INO80: variants seen among roughly 807,000 people sequenced by gnomAD.
INO80 encodes the protein chromatin-remodeling ATPase INO80.
A neutral mutation model predicts 203.4 loss-of-function variants in INO80; 20 were observed. The observed-to-expected ratio is 0.10, with a 90% confidence interval of 0.07 to 0.14. The LOEUF (loss-of-function observed/expected upper bound fraction) is 0.14, where lower values mean the gene tolerates loss of function less well. Ranked by LOEUF, INO80 falls within the 10% of genes least tolerant of loss-of-function variation. The pLI is 1.00. For missense variants in INO80, 1,419 were observed against 1,914.4 expected, an observed-to-expected ratio of 0.74 and a Z score of 4.83; for synonymous variants, 726 against 685.2, an observed-to-expected ratio of 1.06 and a Z score of -0.93.
intron 24 of INO80, among the ~76,000 whole-genome samples, chr15:41,044,334 T>C (rs1470603171): frequency 6.6e-6 from 1 of 152,204 alleles, no homozygotes; most frequent in African/African-American, 2.4e-5. Context: ...TAATAAATTG[T>C]GGTCCATTCA....
At chr15:41,004,257 G>A (rs530872131) in intron 28 of INO80, among the ~76,000 whole-genome samples, 2 of 152,092 alleles carry the variant, frequency 1.3e-5, no homozygotes, top group African/African-American at 2.4e-5. Flanking sequence ...TGGAATTCTG[G>A]TGTGTAGTTT....
In INO80 at chr15:40,980,309, T is replaced by C. The variant is rs773737354; in HGVS notation, c.4585A>G (p.Lys1529Glu). Residue 1529 changes from lysine (K) to glutamate (E), a missense_variant, in exon 36 of 36, where the codon AAG becomes GAG. By Grantham distance (56) the Lys-to-Glu change is moderately conservative. This residue lies in a region of INO80 where 112 missense variants were observed against 106.2 expected (regional missense o/e 1.05). Transcript: ENST00000648947. Reference sequence around the variant, plus strand: ...AGGCTGCTGGTCATGTGGAGGTTCTTGGGATTCCCAGGAACATTATTTCCC... The same window carrying C: ...AGGCTGCTGGTCATGTGGAGGTTCTCGGGATTCCCAGGAACATTATTTCCC... ...SKGNNVPGNP[K>E]NLHMTSSLAP... 1.1e-5 allele frequency: 18 copies of C among 1,613,974 alleles called. No individual in the cohort carries two copies. In the Admixed American group the frequency reaches 3.0e-4, roughly 27 times the overall value.
chr15:41,112,339 A>C (rs1023531935), intron 1 of INO80, among the ~76,000 whole-genome samples: 1 of 152,208 alleles, frequency 6.6e-6, no homozygotes, highest in African/African-American at 2.4e-5. Flanking sequence ...TACTACCAAG[A>C]AGTTTCAAGA....
At chr15:41,105,221 G>A (rs1461457533) in intron 1 of INO80, among the ~76,000 whole-genome samples, 1 of 152,098 alleles carries the variant, frequency 6.6e-6, no homozygotes, top group Non-Finnish European at 1.5e-5. Context: ...ATCAAACCAG[G>A]TGGTTGATAA....
At chr15:41,066,419 A>T (rs181002127) in intron 14 of INO80, among the ~76,000 whole-genome samples, 278 of 152,136 alleles carry the variant, frequency 1.8e-3, no homozygotes, top group African/African-American at 6.1e-3. Context: ...GGCCTCCCAA[A>T]GTACTGGGAT....
rs1236833722 is a variant in INO80, at chr15:41,091,794, C to T, written c.537+233G>A. The stretch of plus-strand genomic sequence containing the variant: ...TCAGCCTCCTGAGTAGCTGGGACTA[C>T]AGGCGCACGCCACCACACCCAGCTA... On this transcript the variant is annotated intron_variant, in intron 5 of 35. Coordinates refer to ENST00000648947, the MANE Select transcript of INO80 (RefSeq NM_017553.3). Among the ~76,000 whole-genome samples, 3 of 151,752 alleles carry T rather than the reference C, an allele frequency of 2.0e-5. No homozygotes were observed. In the East Asian group the frequency reaches 5.8e-4, roughly 29 times the overall value.
Position 41,048,220 on chromosome 15 carries a change from T to C in INO80, c.2633A>G (p.His878Arg), listed in dbSNP as rs745536521. 2.5e-6 allele frequency: 4 copies of C among 1,612,264 alleles called. No individual in the cohort carries two copies. In the African/African-American group the frequency reaches 5.3e-5, roughly 22 times the overall value. ...APDYIQRSLFHRKGINEESCF... is the reference protein window; with the variant it reads ...APDYIQRSLFRRKGINEESCF... ...AAGATCAAAACACCTACCTTTTCTG[T>C]GAAAGAGAGACCGTTGGATATAGTC... Residue 878 changes from histidine to arginine, a missense_variant, in exon 22 of 36, where the codon CAC becomes CGC. Around this residue, in one of 9 missense-constraint regions of INO80, gnomAD observed 302 missense variants for 345.4 expected, o/e 0.87. Coordinates refer to ENST00000648947, the MANE Select transcript of INO80 (RefSeq NM_017553.3).
chr15:40,996,810 T>A (rs141158977), intron 29 of INO80, among the ~76,000 whole-genome samples: 54 of 152,358 alleles, frequency 3.5e-4, no homozygotes, highest in Admixed American at 5.9e-4. Flanking sequence ...AATGGAATAA[T>A]GCATAAGAGT....
chr15:41,070,627 A>G lies in INO80; in HGVS notation c.1606-80T>C, dbSNP rs541682038. ...AACCTGTTACCAAAAAGAACGACCA[A>G]GATAACAGGCTTGTTTAAAGAGAAG... On this transcript the variant is annotated intron_variant, in intron 12 of 35. Coordinates refer to ENST00000648947, the MANE Select transcript of INO80 (RefSeq NM_017553.3). 11 of 1,138,652 alleles carry G rather than the reference A, an allele frequency of 9.7e-6. No individual in the cohort carries two copies. The Admixed American group carries it at 1.9e-4, about 20-fold the overall frequency. The allele number at this position is 1,138,652 out of a possible 1,614,324, so 70.5% of individuals were successfully genotyped here. A position where few individuals can be genotyped will look rare whatever the true frequency, so the allele number is the denominator to read the frequency against.
chr15:41,084,928 G>A (rs1042761812), intron 7 of INO80, among the ~76,000 whole-genome samples: 14 of 152,072 alleles, frequency 9.2e-5, no homozygotes, highest in African/African-American at 3.1e-4. Flanking sequence ...GGAGAGATGG[G>A]GTTTCACCAT....
Position 41,116,014 on chromosome 15 carries a change from G to T in INO80, c.-85C>A, listed in dbSNP as rs535175793. ...CCGCCGCCGCGACGGCGGCGGAGGG[G>T]GGGCGGGGTGCGGGCGGGGTCCGGA... On this transcript the variant is annotated 5_prime_UTR_variant, in exon 1 of 36. Coordinates refer to ENST00000648947, the MANE Select transcript of INO80 (RefSeq NM_017553.3). The T allele has an allele frequency of 5.9e-5, 23 of 391,504 alleles. No homozygotes were observed. Among genetic ancestry groups the T allele is most frequent in the Admixed American group, 3.1e-4 (7 of 22,446 alleles). The allele number at this position is 391,504 out of a possible 1,614,324, so 24.3% of individuals were successfully genotyped here.
At chr15:41,071,448 C>CTTTTTTTT (rs747609865) in intron 12 of INO80, among the ~76,000 whole-genome samples, 2 of 87,042 alleles carry the variant, frequency 2.3e-5, no homozygotes, top group Non-Finnish European at 4.3e-5. Context: ...TACTCATTTC[C>CTTTTTTTT]TTTTTTTTTT....
At chr15:41,004,692 TAATTGA>T (rs1431503603) in intron 28 of INO80, 1 of 152,176 alleles carries the variant, frequency 6.6e-6, no homozygotes, top group African/African-American at 2.4e-5. Flanking sequence ...CAGCAGGCAG[TAATTGA>T]AATTTCATAG....
At chr15:41,077,674 C>T (rs2045426360) in intron 9 of INO80, among the ~76,000 whole-genome samples, 1 of 151,992 alleles carries the variant, frequency 6.6e-6, no homozygotes, top group Non-Finnish European at 1.5e-5. Flanking sequence ...AATACTCCCA[C>T]CTCAGCCTCC....
chr15:41,007,248 T>C (rs1274850172), intron 27 of INO80, among the ~76,000 whole-genome samples: 1 of 143,568 alleles, frequency 7.0e-6, no homozygotes, highest in Non-Finnish European at 1.5e-5. Flanking sequence ...AGTGGCACAA[T>C]CGTGGTTCAC....
intron 1 of INO80, among the ~76,000 whole-genome samples, chr15:41,115,586 C>T (rs1446339118): frequency 2.6e-5 from 4 of 152,182 alleles, no homozygotes. Flanking sequence ...GGGGTTCCCA[C>T]TCAAGGCCTT....
rs1007855203 is a variant in INO80 at position 41,046,197 on chromosome 15, G to A, written c.2736-1122C>T. On this transcript the variant is annotated intron_variant, in intron 23 of 35. Transcript: ENST00000648947. ...TGTGTCTGTGTGTGTCTCTGTGTGC[G>A]TATACATACATATATATATATATAT... is the stretch of plus-strand genomic sequence containing the variant. Among the ~76,000 whole-genome samples, 33 of 105,196 alleles carry A rather than the reference G, an allele frequency of 3.1e-4. 1 individual carries two copies. Among genetic ancestry groups the A allele is most frequent in the African/African-American group, 1.5e-3 (30 of 19,866 alleles). The allele number at this position is 105,196 out of a possible 152,430, so 69.0% of individuals were successfully genotyped here.
chr15:40,998,016 CTTTTTTT>C (rs10572892), intron 28 of INO80, among the ~76,000 whole-genome samples: 2 of 75,178 alleles, frequency 2.7e-5, no homozygotes, highest in African/African-American at 5.5e-5. Flanking sequence ...CCAAAACACT[CTTTTTTT>C]TTTTTTTTTT....
At chr15:41,046,683 T>A (rs1355641220) in intron 23 of INO80, among the ~76,000 whole-genome samples, 2 of 151,910 alleles carry the variant, frequency 1.3e-5, no homozygotes, top group Non-Finnish European at 2.9e-5. Context: ...AGTGGAGCGA[T>A]CTTGACTCAC....
Sources: gnomAD v4.1 joint callset for allele counts (sites outside exome capture counted in the v4.1 genomes callset) on GRCh38, gnomAD v4.1.1 for gene constraint, gnomAD v4.1.1 regional missense constraint, MANE v1.5 for transcripts, NCBI Gene and HGNC (gene_info 2026-07-23, HGNC 2026-07-21) for gene names.